Variants in MAPK10 observed in about 807,000 individuals in gnomAD.
MAPK10 encodes JNK3 alpha protein kinase.
In MAPK10, 25 loss-of-function variants were observed where a neutral mutation model predicts 59.3. The observed-to-expected ratio is 0.42, with a 90% CI of 0.31 to 0.59. The LOEUF (loss-of-function observed/expected upper bound fraction) is 0.59. MAPK10 is among the 20% of genes least tolerant of loss of function. The pLI, the probability that MAPK10 is intolerant of heterozygous loss-of-function variation, is 0.15. For missense variants in MAPK10, 351 were observed against 568.9 expected (o/e 0.62, Z 3.90); for synonymous variants, 190 against 200.5 (o/e 0.95, Z 0.44).
At chr4:86,497,238 C>T (rs1413379833) in intron 1 of MAPK10, among the ~76,000 whole-genome samples, 1 of 152,146 alleles carries the variant, frequency 6.6e-6, no homozygotes, top group Non-Finnish European at 1.5e-5. Context: ...ATTTCACTTC[C>T]CCTATGAACA....
In MAPK10 at chr4:86,459,522, T is replaced by C. The variant is rs192948570; in HGVS notation, c.-262-104878A>G. On this transcript the variant is annotated intron_variant, in intron 1 of 4. Transcript: ENST00000502302. ...ACCCAAATGCCCATCAATCAAAGAA[T>C]GGATAAAGAAACTGTGAGATATGTA... Among the ~76,000 whole-genome samples the C allele has an allele frequency of 3.9e-3, 597 of 152,194 alleles. 8 individuals are homozygous for C. The highest frequency in any genetic ancestry group is 0.014 in the African/African-American group (579 of 41,520).
At chr4:86,433,477 T>A (rs1029241600) in intron 1 of MAPK10, among the ~76,000 whole-genome samples, 7 of 151,848 alleles carry the variant, frequency 4.6e-5, no homozygotes, top group African/African-American at 1.4e-4. Flanking sequence ...TCAACTGAGA[T>A]CACATTCTTG....
At chr4:86,462,164 C>A (rs1417024853) in intron 1 of MAPK10, among the ~76,000 whole-genome samples, 5 of 152,200 alleles carry the variant, frequency 3.3e-5, no homozygotes, top group African/African-American at 1.2e-4. Flanking sequence ...GGAACCCCCA[C>A]AAAAGGTCCC....
intron 11 of MAPK10, among the ~76,000 whole-genome samples, chr4:86,044,201 C>A (rs2042098891): frequency 6.6e-6 from 1 of 152,054 alleles, no homozygotes; most frequent in Non-Finnish European, 1.5e-5. Flanking sequence ...CACCTTGTGG[C>A]AAGAAAAAAT....
intron 11 of MAPK10, among the ~76,000 whole-genome samples, chr4:86,035,883 G>A (rs1443944164): frequency 6.6e-6 from 1 of 152,188 alleles, no homozygotes; most frequent in African/African-American, 2.4e-5. Flanking sequence ...GGCTAGAGAT[G>A]TGTATAGATT....
intron 1 of MAPK10, among the ~76,000 whole-genome samples, chr4:86,460,402 C>A (rs1751620372): frequency 6.6e-6 from 1 of 151,960 alleles, no homozygotes; most frequent in Non-Finnish European, 1.5e-5. Context: ...TACAGGAGAC[C>A]CAGAGGGAAG....
chr4:86,510,262 A>G (rs929611464), intron 1 of MAPK10, among the ~76,000 whole-genome samples: 26 of 151,702 alleles, frequency 1.7e-4, no homozygotes, highest in Admixed American at 1.7e-3. Context: ...ACAGGTATGT[A>G]CCCCCATGCC....
chr4:86,289,868 C>A (rs776126978), intron 2 of MAPK10, among the ~76,000 whole-genome samples: 7 of 151,934 alleles, frequency 4.6e-5, no homozygotes, highest in Non-Finnish European at 2.9e-5. Context: ...GAAAAGGGCT[C>A]GTGGAGCAAT....
intron 2 of MAPK10, among the ~76,000 whole-genome samples, chr4:86,205,113 C>T (rs993414222): frequency 7.2e-5 from 11 of 151,870 alleles, no homozygotes; most frequent in Admixed American, 5.9e-4. Flanking sequence ...TAACACAGAG[C>T]CGTTGAAAGA....
intron 2 of MAPK10, among the ~76,000 whole-genome samples, chr4:86,254,514 G>A (rs953212682): frequency 1.7e-5 from 2 of 119,656 alleles, no homozygotes; most frequent in Non-Finnish European, 3.2e-5. Flanking sequence ...CTGAGTTCTA[G>A]TTTGATTGCA....
At chr4:86,316,283 C>T (rs1047652816) in intron 2 of MAPK10, among the ~76,000 whole-genome samples, 1 of 152,160 alleles carries the variant, frequency 6.6e-6, no homozygotes, top group Admixed American at 6.5e-5. Context: ...AAAAATTTTG[C>T]AACGCATTAA....
intron 13 of MAPK10, among the ~76,000 whole-genome samples, chr4:86,018,928 G>A (rs2575672): frequency 0.21 from 32,063 of 151,956 alleles, 4,063 homozygotes; most frequent in African/African-American, 0.35. Flanking sequence ...TAAGGAAGGG[G>A]AGTGGTTAAC....
In MAPK10 at chr4:86,031,251, AAG is replaced by A. The variant is rs2038954302; in HGVS notation, c.1174+115_1174+116del. 1.2e-5 allele frequency: 9 copies of A among 724,442 alleles called. 1 individual carries two copies. The South Asian group carries it at 1.5e-4, about 12-fold the overall frequency. The allele number at this position is 724,442 out of a possible 1,614,324, so 44.9% of individuals were successfully genotyped here. A position where few individuals can be genotyped will look rare whatever the true frequency, so the allele number is the denominator to read the frequency against. ...GTTTTAGGAGCTTTAAAAATGGTCT[AAG>A]AGAATAGCAGTCAGCAAATCATTTT... On this transcript the variant is annotated intron_variant, in intron 12 of 13. Transcript: ENST00000641462.
chr4:86,119,344 G>C (rs750723936), intron 4 of MAPK10: 1 of 152,342 alleles, frequency 6.6e-6, no homozygotes, highest in South Asian at 2.1e-4. Flanking sequence ...GCTCACGCCT[G>C]TAATCCCAGC....
chr4:86,152,841 G>A (rs989502393), intron 4 of MAPK10, among the ~76,000 whole-genome samples: 13 of 152,208 alleles, frequency 8.5e-5, no homozygotes, highest in African/African-American at 3.1e-4. Flanking sequence ...AGCAGTAAAT[G>A]AGAATGCTTC....
intron 9 of MAPK10, among the ~76,000 whole-genome samples, chr4:86,074,744 G>T (rs2048867001): frequency 7.2e-6 from 1 of 139,496 alleles, no homozygotes; most frequent in Non-Finnish European, 1.6e-5. Context: ...TGGCTTGTAG[G>T]GTTTCTGCCG....
At chr4:86,510,074 A>G (rs933690894) in intron 1 of MAPK10, among the ~76,000 whole-genome samples, 1 of 152,152 alleles carries the variant, frequency 6.6e-6, no homozygotes, top group Non-Finnish European at 1.5e-5. Flanking sequence ...CTTTTAGTTC[A>G]TACAACTTAA....
At chr4:86,162,091 T>C (rs2069923021) in intron 3 of MAPK10, among the ~76,000 whole-genome samples, 1 of 151,882 alleles carries the variant, frequency 6.6e-6, no homozygotes, top group African/African-American at 2.4e-5. Flanking sequence ...AAATACTAGG[T>C]TTGGCACTCA....
At chr4:86,384,916 A>G (rs1336787816) in intron 1 of MAPK10, among the ~76,000 whole-genome samples, 2 of 152,172 alleles carry the variant, frequency 1.3e-5, no homozygotes, top group Non-Finnish European at 2.9e-5. Flanking sequence ...TAGTACATCT[A>G]AACAGATATG....
Sources: allele counts gnomAD v4.1 joint callset (sites outside exome capture counted in the v4.1 genomes callset), GRCh38; gene constraint gnomAD v4.1.1; transcripts MANE v1.5; gene names NCBI Gene and HGNC (gene_info 2026-07-23, HGNC 2026-07-21).